The following ARHGAP26 variants were observed in gnomAD, a reference collection of about 807,000 sequenced individuals.
The protein encoded by ARHGAP26 is rho GTPase-activating protein 26.
Under a neutral mutation model 104.8 loss-of-function variants are expected in ARHGAP26, and 38 were observed. The observed-to-expected ratio is 0.36, with a 90% CI of 0.28 to 0.48. The LOEUF is 0.48. Ranked by LOEUF, ARHGAP26 falls within the 20% of genes least tolerant of loss-of-function variation. The pLI is 0.99. For missense variants in ARHGAP26, 704 were observed against 947.9 expected (o/e 0.74, Z 3.38); for synonymous variants, 341 against 340.0 (o/e 1.00, Z -0.03).
At chr5:143,159,672 A>T (rs891253208) in intron 20 of ARHGAP26, among the ~76,000 whole-genome samples, 1 of 152,212 alleles carries the variant, frequency 6.6e-6, no homozygotes, top group Non-Finnish European at 1.5e-5. Context: ...AAGCCTCCCA[A>T]GTGATTTTGA....
intron 1 of ARHGAP26, among the ~76,000 whole-genome samples, chr5:142,852,795 C>A (rs979823365): frequency 6.6e-6 from 1 of 152,188 alleles, no homozygotes; most frequent in Non-Finnish European, 1.5e-5. Flanking sequence ...GACTTACTTA[C>A]GTTCTAAAAG....
intron 10 of ARHGAP26, among the ~76,000 whole-genome samples, chr5:142,925,391 T>G (rs1763762526): frequency 6.6e-6 from 1 of 152,226 alleles, no homozygotes; most frequent in African/African-American, 2.4e-5. Flanking sequence ...GATTAAAGAA[T>G]TTCTTATCCA....
intron 17 of ARHGAP26, among the ~76,000 whole-genome samples, chr5:143,077,910 C>T (rs530688247): frequency 6.6e-6 from 1 of 152,244 alleles, no homozygotes; most frequent in South Asian, 2.1e-4. Flanking sequence ...ATCTCCCCTC[C>T]CCCAACCCTG....
At chr5:143,037,098 C>A in intron 12 of ARHGAP26, 98 bp from the exon 13 acceptor site, 2 of 769,270 alleles carry the variant, frequency 2.6e-6, no homozygotes, top group Non-Finnish European at 4.2e-6. Flanking sequence ...GGATATGTGA[C>A]CACAGCATGC....
intron 1 of ARHGAP26, among the ~76,000 whole-genome samples, chr5:142,869,073 A>G (rs1472299490): frequency 6.6e-6 from 1 of 152,206 alleles, no homozygotes; most frequent in Non-Finnish European, 1.5e-5. Context: ...GGAAGAGATT[A>G]ACAAGGCCCG....
At chr5:143,008,427 C>T (rs145014916) in intron 11 of ARHGAP26, among the ~76,000 whole-genome samples, 1 of 152,272 alleles carries the variant, frequency 6.6e-6, no homozygotes, top group East Asian at 1.9e-4. Flanking sequence ...AGATGATATT[C>T]GATGGTGTAG....
chr5:143,147,082 A>T, intron 19 of ARHGAP26, 149 bp from the exon 20 acceptor site: 1 of 1,000,988 alleles, frequency 1.0e-6, no homozygotes. Context: ...CCCACTTTTA[A>T]TTCTTAACCT....
At chr5:142,793,442 C>T (rs1198265016) in intron 1 of ARHGAP26, among the ~76,000 whole-genome samples, 1 of 151,664 alleles carries the variant, frequency 6.6e-6, no homozygotes. Context: ...TCTCTGAGAG[C>T]CCCAGAGAGA....
At chr5:142,771,370 G>T in intron 1 of ARHGAP26, 1 of 1,232,198 alleles carries the variant, frequency 8.1e-7, no homozygotes, top group Non-Finnish European at 1.0e-6. Context: ...CTCCCCTTGG[G>T]AAAAGGTGGG....
intron 1 of ARHGAP26, among the ~76,000 whole-genome samples, chr5:142,776,437 T>G (rs1466238666): frequency 1.3e-5 from 2 of 152,250 alleles, no homozygotes; most frequent in Non-Finnish European, 2.9e-5. Flanking sequence ...ACTGATCTAC[T>G]ACTTTCTGTC....
chr5:142,991,442 TCA>T (rs1158409254), intron 11 of ARHGAP26, among the ~76,000 whole-genome samples: 1 of 152,160 alleles, frequency 6.6e-6, no homozygotes, highest in Non-Finnish European at 1.5e-5. Flanking sequence ...CTGCTTAGGC[TCA>T]CACTCCATGG....
At chr5:143,011,718 A>G (rs980974962) in intron 11 of ARHGAP26, among the ~76,000 whole-genome samples, 1 of 152,104 alleles carries the variant, frequency 6.6e-6, no homozygotes, top group Admixed American at 6.5e-5. Context: ...ATCTAGCTCA[A>G]GTTCATTTAT....
chr5:142,861,795 C>G (rs1285307873), intron 1 of ARHGAP26, among the ~76,000 whole-genome samples: 1 of 152,188 alleles, frequency 6.6e-6, no homozygotes, highest in Non-Finnish European at 1.5e-5. Context: ...CCTTTTCACA[C>G]AGGTGGAAAT....
intron 20 of ARHGAP26, among the ~76,000 whole-genome samples, chr5:143,180,360 G>A (rs151228489): frequency 0.055 from 8,385 of 152,044 alleles, 264 homozygotes; most frequent in Middle Eastern, 0.099. Flanking sequence ...TCTTGACCTC[G>A]TGATCTGCCC....
At chr5:143,097,275 G>C (rs74801894) in intron 17 of ARHGAP26, among the ~76,000 whole-genome samples, 1 of 150,364 alleles carries the variant, frequency 6.7e-6, no homozygotes, top group Non-Finnish European at 1.5e-5. Flanking sequence ...AACCTGGGAC[G>C]TGGAGGTTGC....
chr5:142,901,878 C>T, intron 6 of ARHGAP26, 57 bp from the exon 7 acceptor site: 1 of 1,432,504 alleles, frequency 7.0e-7, no homozygotes. Flanking sequence ...GATACAGCTA[C>T]ATAATACCTC....
intron 1 of ARHGAP26, among the ~76,000 whole-genome samples, chr5:142,807,232 A>G (rs1247314142): frequency 2.0e-5 from 3 of 152,220 alleles, no homozygotes; most frequent in East Asian, 3.8e-4. Flanking sequence ...TGTGTTAGAC[A>G]GGTATGGTTA....
intron 11 of ARHGAP26, among the ~76,000 whole-genome samples, chr5:143,009,797 T>C (rs1778485144): frequency 6.6e-6 from 1 of 152,136 alleles, no homozygotes; most frequent in African/African-American, 2.4e-5. Flanking sequence ...AAGGAGATAA[T>C]GTTCCCAAGT....
intron 8 of ARHGAP26, among the ~76,000 whole-genome samples, chr5:142,904,701 C>T (rs995524732): frequency 1.3e-4 from 20 of 152,040 alleles, no homozygotes; most frequent in Admixed American, 1.0e-3. Flanking sequence ...AGACTTAATT[C>T]GTGTATGCAA....
Sources: allele counts gnomAD v4.1 joint callset (sites outside exome capture counted in the v4.1 genomes callset), GRCh38; gene constraint gnomAD v4.1.1; transcripts MANE v1.5; gene names NCBI Gene and HGNC (gene_info 2026-07-23, HGNC 2026-07-21).